SGCD: variants seen among roughly 807,000 people sequenced by gnomAD.
The protein encoded by SGCD is sarcoglycan delta.
Under a neutral mutation model 36.6 loss-of-function variants are expected in SGCD, and 18 were observed. That is an observed-to-expected ratio of 0.49 (90% confidence interval 0.34 to 0.73). The LOEUF (loss-of-function observed/expected upper bound fraction) is 0.73. Ranked by LOEUF, SGCD falls within the 30% of genes least tolerant of loss-of-function variation. The pLI, the probability that SGCD is intolerant of heterozygous loss-of-function variation, is 0.01. For synonymous variants in SGCD, 133 were observed against 130.6 expected (o/e 1.02, Z -0.12); for missense variants, 387 against 346.7 (o/e 1.12, Z -0.92).
At chr5:155,901,205 G>C (rs1756382452) in intron 1 of SGCD, among the ~76,000 whole-genome samples, 2 of 151,808 alleles carry the variant, frequency 1.3e-5, no homozygotes, top group Admixed American at 1.3e-4. Context: ...CCAGCTACTT[G>C]GGAGGCTGAG....
chr5:156,586,573 C>A (rs1484272091), intron 4 of SGCD, among the ~76,000 whole-genome samples: 1 of 152,148 alleles, frequency 6.6e-6, no homozygotes, highest in African/African-American at 2.4e-5. Context: ...TATTCAACCT[C>A]ATTTATCTGT....
At chr5:156,699,245 G>A (rs1215299329) in intron 7 of SGCD, among the ~76,000 whole-genome samples, 2 of 151,902 alleles carry the variant, frequency 1.3e-5, no homozygotes, top group Non-Finnish European at 2.9e-5. Context: ...TATAGAGTGG[G>A]GTATCTATTT....
At chr5:156,184,691 A>T (rs932947251) in intron 3 of SGCD, among the ~76,000 whole-genome samples, 5 of 152,034 alleles carry the variant, frequency 3.3e-5, no homozygotes, top group Non-Finnish European at 7.4e-5. Flanking sequence ...CCCTACCACC[A>T]CCTCCTTATT....
intron 3 of SGCD, among the ~76,000 whole-genome samples, chr5:156,204,808 G>T (rs1268864899): frequency 1.3e-5 from 2 of 152,072 alleles, no homozygotes; most frequent in Non-Finnish European, 2.9e-5. Context: ...ATAGCAAGAT[G>T]TAAGTCGTAA....
At chr5:156,375,042 G>A (rs1303329444) in intron 3 of SGCD, among the ~76,000 whole-genome samples, 1 of 152,100 alleles carries the variant, frequency 6.6e-6, no homozygotes, top group Non-Finnish European at 1.5e-5. Flanking sequence ...AATTGCAAGA[G>A]TAGTAAAAGA....
chr5:156,471,348 AT>A (rs566348260), intron 3 of SGCD, among the ~76,000 whole-genome samples: 6 of 152,164 alleles, frequency 3.9e-5, no homozygotes, highest in Non-Finnish European at 8.8e-5. Context: ...AGCCAAAATA[AT>A]TTTTTAAAAA....
At chr5:156,515,340 G>T (rs1338602827) in intron 4 of SGCD, among the ~76,000 whole-genome samples, 3 of 152,186 alleles carry the variant, frequency 2.0e-5, no homozygotes, top group Non-Finnish European at 4.4e-5. Context: ...AATATTTAAA[G>T]ATTAAAACAC....
At chr5:156,071,358 A>G (rs919145338) in intron 1 of SGCD, among the ~76,000 whole-genome samples, 18 of 152,326 alleles carry the variant, frequency 1.2e-4, no homozygotes, top group African/African-American at 4.1e-4. Context: ...TTCAAAGAAC[A>G]TCTTTATTTC....
At chr5:155,734,156 A>G in the SGCD span, among the ~76,000 whole-genome samples, 1 of 147,280 alleles carries the variant, frequency 6.8e-6, no homozygotes, top group Non-Finnish European at 1.5e-5. Context: ...TAATAATGTT[A>G]CTGTTATTAT....
rs1179073055 is a variant in SGCD at position 155,899,391 on chromosome 5, G to T, written c.-282+28967G>T. Among the ~76,000 whole-genome samples, 8 of 152,052 alleles carry T rather than the reference G, an allele frequency of 5.3e-5. 1 individual carries two copies. The East Asian group carries it at 1.3e-3, about 26-fold the overall frequency. Reference sequence around the variant, plus strand: ...CAAATTGTATCTTAGCTCTAACCCTGGGCCTTTGAGAAATTTCACTAACAT... The same window carrying T: ...CAAATTGTATCTTAGCTCTAACCCTTGGCCTTTGAGAAATTTCACTAACAT... On this transcript the variant is annotated intron_variant, in intron 1 of 9. Coordinates refer to the SGCD transcript ENST00000517913.
chr5:155,886,947 G>T (rs189506776), intron 1 of SGCD, among the ~76,000 whole-genome samples: 3 of 152,328 alleles, frequency 2.0e-5, no homozygotes, highest in East Asian at 3.9e-4. Context: ...TCATGATAAA[G>T]CCCTTGGTAG....
chr5:156,592,944 C>T (rs1284191760), intron 5 of SGCD, among the ~76,000 whole-genome samples: 2 of 152,166 alleles, frequency 1.3e-5, no homozygotes, highest in Non-Finnish European at 2.9e-5. Flanking sequence ...GCATTCTTTT[C>T]CACGTGTTGT....
intron 1 of SGCD, among the ~76,000 whole-genome samples, chr5:156,099,144 C>T (rs76307408): frequency 0.026 from 3,995 of 152,252 alleles, 171 homozygotes; most frequent in African/African-American, 0.09. Flanking sequence ...TATGCTGTTC[C>T]TCCCAACCTG....
At chr5:156,168,879 C>T (rs1037783579) in intron 3 of SGCD, among the ~76,000 whole-genome samples, 6 of 152,148 alleles carry the variant, frequency 3.9e-5, no homozygotes, top group Admixed American at 3.3e-4. Context: ...AACACACATG[C>T]GCCATGAGCA....
At chr5:155,852,848 T>C in the SGCD span, among the ~76,000 whole-genome samples, 1 of 152,140 alleles carries the variant, frequency 6.6e-6, no homozygotes, top group South Asian at 2.1e-4. Flanking sequence ...TTTTAAGTGC[T>C]TAAGGCAGAG....
intron 3 of SGCD, among the ~76,000 whole-genome samples, chr5:156,443,941 G>T (rs1453799450): frequency 2.0e-5 from 3 of 152,032 alleles, no homozygotes; most frequent in African/African-American, 7.2e-5. Flanking sequence ...ATAAAAATCT[G>T]CTACCTTTAT....
At chr5:155,949,358 T>C (rs1024441411) in intron 1 of SGCD, among the ~76,000 whole-genome samples, 6 of 152,202 alleles carry the variant, frequency 3.9e-5, no homozygotes, top group Non-Finnish European at 7.3e-5. Flanking sequence ...CTAGTCCTAA[T>C]TGAGTGCTGT....
chr5:156,298,098 C>A (rs34887087), intron 3 of SGCD, among the ~76,000 whole-genome samples: 50,004 of 151,972 alleles, frequency 0.33, 10,302 homozygotes, highest in Non-Finnish European at 0.46. Context: ...GTCCATGTCA[C>A]AAATGACAGG....
chr5:156,705,025 A>G (rs980458850), intron 7 of SGCD, among the ~76,000 whole-genome samples: 4 of 152,160 alleles, frequency 2.6e-5, no homozygotes, highest in Non-Finnish European at 5.9e-5. Context: ...GTATGGAAGA[A>G]GAGAAATGAC....
Sources: gnomAD v4.1 joint callset for allele counts (sites outside exome capture counted in the v4.1 genomes callset) on GRCh38, gnomAD v4.1.1 for gene constraint, MANE v1.5 for transcripts, NCBI Gene and HGNC (gene_info 2026-07-23, HGNC 2026-07-21) for gene names.